The following HABP4 variants were observed in gnomAD, a reference collection of about 807,000 sequenced individuals.
HABP4 encodes the protein hyaluronan binding protein 4.
In HABP4, 32 loss-of-function variants were observed where a neutral mutation model predicts 44.1. The ratio of observed to expected loss-of-function variants is 0.73; its 90% CI spans 0.55 to 0.97. The LOEUF (loss-of-function observed/expected upper bound fraction) is 0.97, where lower values mean the gene tolerates loss of function less well. Ranked by LOEUF, HABP4 falls within the 50% of genes least tolerant of loss-of-function variation. HABP4 has a pLI of 0.00. For synonymous variants in HABP4, 216 were observed against 218.0 expected (o/e 0.99, Z 0.08); for missense variants, 503 against 561.9 (o/e 0.90, Z 1.06).
chr9:96,466,732 A>G (rs1832606958), intron 4 of HABP4, among the ~76,000 whole-genome samples: 1 of 152,016 alleles, frequency 6.6e-6, no homozygotes, highest in South Asian at 2.1e-4. Flanking sequence ...TGCTAGTTAG[A>G]GTGGATACAT....
At chr9:96,452,209 A>G (rs1011923017) in intron 1 of HABP4, among the ~76,000 whole-genome samples, 5 of 147,606 alleles carry the variant, frequency 3.4e-5, no homozygotes, top group African/African-American at 1.3e-4. Flanking sequence ...TCTGGGAGAA[A>G]GAGCGAGACT....
upstream of HABP4, chr9:96,450,146 C>T: frequency 2.2e-6 from 2 of 914,220 alleles, no homozygotes; most frequent in Non-Finnish European, 2.7e-6. The surrounding 1 kb of genome is among the most constrained non-coding windows in gnomAD (Gnocchi z 4.8). Context: ...CGGGGGCGGG[C>T]GCCGGTAGGG....
chr9:96,458,736 C>T (rs986931297), intron 2 of HABP4, among the ~76,000 whole-genome samples, 195 bp downstream of exon 2: 7 of 151,828 alleles, frequency 4.6e-5, no homozygotes, highest in African/African-American at 1.7e-4. Context: ...AATTCTCCTG[C>T]CTCAGCCTCC....
chr9:96,451,416 C>T (rs1832275144), intron 1 of HABP4: 2 of 945,080 alleles, frequency 2.1e-6, no homozygotes, highest in African/African-American at 1.8e-5. Flanking sequence ...CACCGAACTG[C>T]GTCAGTGGCA....
intron 6 of HABP4, among the ~76,000 whole-genome samples, chr9:96,485,431 C>A (rs1331159367): frequency 6.6e-6 from 1 of 152,212 alleles, no homozygotes; most frequent in African/African-American, 2.4e-5. Flanking sequence ...AGCAGCTTTG[C>A]GCCCCCTGCC....
At chr9:96,471,951 G>A (rs934376957) in intron 5 of HABP4, among the ~76,000 whole-genome samples, 3 of 152,006 alleles carry the variant, frequency 2.0e-5, no homozygotes, top group East Asian at 1.9e-4. Context: ...TACCATGCCC[G>A]GCTAATTTTG....
chr9:96,461,605 C>T (rs1832500652), intron 2 of HABP4, among the ~76,000 whole-genome samples: 2 of 152,086 alleles, frequency 1.3e-5, no homozygotes, highest in South Asian at 2.1e-4. Context: ...AAAACACGTT[C>T]TCTGCCTGGG....
intron 5 of HABP4, among the ~76,000 whole-genome samples, chr9:96,471,668 C>G (rs1450226810): frequency 6.6e-6 from 1 of 152,158 alleles, no homozygotes; most frequent in African/African-American, 2.4e-5. Flanking sequence ...CTTGGAGTAG[C>G]CTGACTCTTG....
intron 1 of HABP4, among the ~76,000 whole-genome samples, chr9:96,454,651 C>T (rs1832343020): frequency 6.6e-6 from 1 of 151,998 alleles, no homozygotes; most frequent in Non-Finnish European, 1.5e-5. Context: ...GGGTTCACCG[C>T]GTCAGCCAGG....
At position 96,454,958 on chromosome 9, in the gene HABP4, AT is replaced by A. The variant is rs971401974; in HGVS notation, c.350-3411del. On this transcript the variant is annotated intron_variant, in intron 1 of 7. Coordinates refer to ENST00000375249, the MANE Select transcript of HABP4 (RefSeq NM_014282.4). ...ATGAGACCTGTCTCTACAAAAAAAA[AT>A]TTTTTTTTTAATTAGCTGGGTGTGA... is the stretch of plus-strand genomic sequence containing the variant. Among the ~76,000 whole-genome samples, 329 of 150,744 alleles carry A rather than the reference AT, an allele frequency of 2.2e-3. 2 individuals carry two copies. The highest frequency in any genetic ancestry group is 3.7e-3 in the Non-Finnish European group (253 of 67,610).
At chr9:96,473,318 A>G (rs1453416104) in intron 5 of HABP4, among the ~76,000 whole-genome samples, 4 of 151,954 alleles carry the variant, frequency 2.6e-5, no homozygotes, top group Non-Finnish European at 5.9e-5. Flanking sequence ...TTTCCATCCA[A>G]CTGTACAAAC....
chr9:96,458,692 C>T lies in HABP4; in HGVS notation c.512+151C>T, dbSNP rs575147153. The T allele has an allele frequency of 5.5e-5, 31 of 566,130 alleles. No individual in the cohort carries two copies. The East Asian group carries it at 8.6e-4, about 16-fold the overall frequency. The allele number at this position is 566,130 out of a possible 1,614,324, so 35.1% of individuals were successfully genotyped here. A position where few individuals can be genotyped will look rare whatever the true frequency, so the allele number is the denominator to read the frequency against. ...AGGCTGGAGTGCAATGGTGCGATCTCGGCTCACTGCAACCTCCGCTCCCGG... is the reference window on the plus strand; with the variant it reads ...AGGCTGGAGTGCAATGGTGCGATCTTGGCTCACTGCAACCTCCGCTCCCGG... On this transcript the variant is annotated intron_variant, in intron 2 of 7. Transcript: ENST00000375249.
chr9:96,488,085 T>A lies in HABP4; in HGVS notation c.1000-4T>A. Reference sequence around the variant, plus strand: ...GCGTGTTTGATGCTGTAATTGTGTTTCAGATGGTAAAAGATGACTATGAGG... The same window carrying A: ...GCGTGTTTGATGCTGTAATTGTGTTACAGATGGTAAAAGATGACTATGAGG... On this transcript the variant is annotated splice_polypyrimidine_tract_variant and splice_region_variant and intron_variant, in intron 6 of 7. Coordinates refer to ENST00000375249, the MANE Select transcript of HABP4 (RefSeq NM_014282.4). The surrounding 1 kb of genome is among the most constrained non-coding windows in gnomAD (Gnocchi z 4.6). The A allele has an allele frequency of 6.2e-7, 1 of 1,606,854 alleles. No individual in the cohort carries two copies. Among genetic ancestry groups the A allele is most frequent in the Non-Finnish European group, 8.5e-7 (1 of 1,173,600 alleles).
intron 6 of HABP4, among the ~76,000 whole-genome samples, chr9:96,485,698 C>T (rs951506518): frequency 2.6e-5 from 4 of 152,150 alleles, no homozygotes; most frequent in African/African-American, 9.7e-5. Flanking sequence ...GAACTTAAGG[C>T]TAGGTCCACT....
At chr9:96,456,781 AT>A (rs1424115144) in intron 1 of HABP4, among the ~76,000 whole-genome samples, 5,031 of 29,802 alleles carry the variant, frequency 0.17, 515 homozygotes, top group African/African-American at 0.22. Flanking sequence ...AAAAAAAAAA[AT>A]ATATATATAT....
At chr9:96,458,011 A>C (rs1307811013) in intron 1 of HABP4, among the ~76,000 whole-genome samples, 1 of 152,172 alleles carries the variant, frequency 6.6e-6, no homozygotes, top group Non-Finnish European at 1.5e-5. Flanking sequence ...GTATTCTTTC[A>C]TTTTCTAGGT....
At chr9:96,459,878 T>G (rs1272152327) in intron 2 of HABP4, among the ~76,000 whole-genome samples, 1 of 152,242 alleles carries the variant, frequency 6.6e-6, no homozygotes, top group Non-Finnish European at 1.5e-5. Context: ...GCAACCATGT[T>G]GGAGGGAGAA....
At chr9:96,484,441 T>C in intron 5 of HABP4, 21 bp from the exon 6 acceptor site, 1 of 1,153,954 alleles carries the variant, frequency 8.7e-7, no homozygotes, top group South Asian at 1.4e-5. Flanking sequence ...GTATTCTTTA[T>C]GATTATATAT....
chr9:96,471,214 C>A, intron 5 of HABP4, 120 bp downstream of exon 5: 1 of 643,236 alleles, frequency 1.6e-6, no homozygotes, highest in Non-Finnish European at 2.9e-6. Context: ...ACAATCTTGG[C>A]TCACTGCAAC....
Sources: gnomAD v4.1 joint callset for allele counts (sites outside exome capture counted in the v4.1 genomes callset) on GRCh38, gnomAD v4.1.1 for gene constraint, Gnocchi (gnomAD v3.1) non-coding constraint, MANE v1.5 for transcripts, NCBI Gene and HGNC (gene_info 2026-07-23, HGNC 2026-07-21) for gene names.